The following OSER1 variants were observed in gnomAD, a reference collection of about 807,000 sequenced individuals.
The protein encoded by OSER1 is oxidative stress responsive serine rich 1, also known as oxidative stress-responsive serine-rich protein 1.
Under a neutral mutation model 26.3 loss-of-function variants are expected in OSER1, and 15 were observed. The ratio of observed to expected loss-of-function variants is 0.57; its 90% CI spans 0.38 to 0.88. OSER1 has a LOEUF of 0.88. Ranked by LOEUF, OSER1 falls within the 40% of genes least tolerant of loss-of-function variation. The pLI is 0.00. For missense variants in OSER1, 313 were observed against 353.9 expected, an observed-to-expected ratio of 0.88 and a Z score of 0.93; for synonymous variants, 127 against 128.2, an observed-to-expected ratio of 0.99 and a Z score of 0.07.
chr20:44,201,095 C>T (rs2072977439), intron 3 of OSER1, among the ~76,000 whole-genome samples: 1 of 152,186 alleles, frequency 6.6e-6, no homozygotes, highest in Non-Finnish European at 1.5e-5. Flanking sequence ...ACTGAAAATA[C>T]CCCTTCCACC....
intron 3 of OSER1, 89 bp from the exon 4 acceptor site, chr20:44,197,828 C>T: frequency 1.2e-6 from 1 of 810,298 alleles, no homozygotes; most frequent in East Asian, 2.7e-5. Flanking sequence ...TTTACCTTCC[C>T]TCAGCTTTAT....
intron 2 of OSER1, among the ~76,000 whole-genome samples, chr20:44,204,250 C>A (rs2073017234): frequency 6.6e-6 from 1 of 152,126 alleles, no homozygotes; most frequent in Non-Finnish European, 1.5e-5. Flanking sequence ...ACCTGTTGAA[C>A]AGGATCATGC....
chr20:44,205,480 C>T (rs1474400229), intron 2 of OSER1, among the ~76,000 whole-genome samples: 6 of 152,210 alleles, frequency 3.9e-5, no homozygotes, highest in African/African-American at 1.4e-4. Context: ...ATAACATCTA[C>T]TGTGCAAATC....
In OSER1 at chr20:44,196,616, A is replaced by G. The variant is rs2072921697; in HGVS notation, c.*436T>C. 1 of 163,788 alleles carries G rather than the reference A, an allele frequency of 6.1e-6. No homozygotes were observed. The highest frequency in any genetic ancestry group is 1.3e-5 in the Non-Finnish European group (1 of 74,178). The allele number at this position is 163,788 out of a possible 1,614,324, so 10.1% of individuals were successfully genotyped here. On this transcript the variant is annotated 3_prime_UTR_variant, in exon 4 of 4. Coordinates refer to ENST00000255174, the MANE Select transcript of OSER1 (RefSeq NM_016470.8). ...TTGCATTAAATCAGAGACGGTTTAAATCAGTCTTGTAACTTCTAATATTCT... is the reference window on the plus strand; with the variant it reads ...TTGCATTAAATCAGAGACGGTTTAAGTCAGTCTTGTAACTTCTAATATTCT...
chr20:44,201,128 A>G (rs990600463), intron 3 of OSER1, among the ~76,000 whole-genome samples: 3 of 152,218 alleles, frequency 2.0e-5, no homozygotes, highest in South Asian at 4.1e-4. Flanking sequence ...GCAAACCTTG[A>G]ATTTGCTGTG....
In OSER1 at chr20:44,197,557, G is replaced by A. The variant is rs372148209; in HGVS notation, c.374C>T (p.Ser125Phe). ...TTCTCCTGCACTGAACTCTTTAGGG[G>A]ATGAAATTCCCAGCCCACTGCTGCC... ...PDGSSGLGIS[S>F]PKEFSAGESS... Residue 125 changes from serine (S) to phenylalanine (F), a missense_variant, in exon 4 of 4, where the codon TCC (serine) becomes TTC (phenylalanine). Ser to Phe is a radical substitution (Grantham distance 155). Coordinates refer to ENST00000255174, the MANE Select transcript of OSER1 (RefSeq NM_016470.8). 1.9e-6 allele frequency: 3 copies of A among 1,614,038 alleles called. No individual in the cohort carries two copies. The highest frequency in any genetic ancestry group is 2.7e-5 in the African/African-American group (2 of 74,920).
Position 44,197,019 on chromosome 20 carries a change from T to C in OSER1, c.*33A>G, listed in dbSNP as rs201932052. The C allele has an allele frequency of 2.4e-4, 358 of 1,462,972 alleles. No individual in the cohort carries two copies. In the African/African-American group the frequency reaches 3.4e-3, roughly 14 times the overall value. The allele number at this position is 1,462,972 out of a possible 1,614,324, so 90.6% of individuals were successfully genotyped here. On this transcript the variant is annotated 3_prime_UTR_variant, in exon 4 of 4. Coordinates refer to ENST00000255174, the MANE Select transcript of OSER1 (RefSeq NM_016470.8). ...ACTAAATCTCTTTGACAAGCCTTCA[T>C]TGGTTTAAAGCATATGAATTAGCTT...
intron 1 of OSER1, chr20:44,207,263 A>T (rs2073047613): frequency 1.4e-5 from 3 of 218,390 alleles, no homozygotes; most frequent in Non-Finnish European, 2.7e-5. Context: ...ATGATCTAAA[A>T]TCTATGTTTC....
At chr20:44,209,140 T>C (rs1000369003) in intron 1 of OSER1, among the ~76,000 whole-genome samples, 1 of 152,220 alleles carries the variant, frequency 6.6e-6, no homozygotes, top group Non-Finnish European at 1.5e-5. Flanking sequence ...GCTGACTTAA[T>C]AGCATGGCAG....
At chr20:44,200,778 A>G (rs976689717) in intron 3 of OSER1, among the ~76,000 whole-genome samples, 1 of 152,244 alleles carries the variant, frequency 6.6e-6, no homozygotes, top group Non-Finnish European at 1.5e-5. Flanking sequence ...TAGCAAAACT[A>G]TAGAATAGCA....
intron 2 of OSER1, among the ~76,000 whole-genome samples, chr20:44,205,939 CAAAAAAAAAAAAAA>C (rs3037684): frequency 7.0e-5 from 5 of 71,716 alleles, no homozygotes; most frequent in Non-Finnish European, 1.3e-4. Flanking sequence ...GAATCCGTCT[CAAAAAAAAAAAAAA>C]AAAAAAAAAA....
At position 44,197,570 on chromosome 20, in the gene OSER1, G is replaced by T. The variant is rs750917568; in HGVS notation, c.361C>A (p.Leu121Met). The change falls in exon 4 of 4, where the codon CTG (leucine) becomes ATG (methionine). Residue 121 changes from leucine (L) to methionine (M), a missense_variant. Around this residue, in one of 2 missense-constraint regions of OSER1, gnomAD observed 300 missense variants for 318.3 expected, o/e 0.94. Transcript: ENST00000255174. ...AACTCTTTAGGGGATGAAATTCCCAGCCCACTGCTGCCATCAGGTGAGTCA... is the reference window on the plus strand; with the variant it reads ...AACTCTTTAGGGGATGAAATTCCCATCCCACTGCTGCCATCAGGTGAGTCA... ...QTDSPDGSSGLGISSPKEFSA... is the reference protein window; with the variant it reads ...QTDSPDGSSGMGISSPKEFSA... 3 of 1,614,144 alleles carry T rather than the reference G, an allele frequency of 1.9e-6. No homozygotes were observed. The South Asian group carries it at 3.3e-5, about 18-fold the overall frequency.
At chr20:44,208,226 G>C (rs1015434904) in intron 1 of OSER1, among the ~76,000 whole-genome samples, 1 of 146,468 alleles carries the variant, frequency 6.8e-6, no homozygotes. Context: ...CGAAGTTATT[G>C]TGAGACCTCT....
chr20:44,196,294 C>CA lies in OSER1; in HGVS notation c.*757dup, dbSNP rs56251501. ...ATGAGACCTGTATTACAACTGATAA[C>CA]AAAAAAAAAAAAAAAAAACCGCCAT... is the stretch of plus-strand genomic sequence containing the variant. On this transcript the variant is annotated 3_prime_UTR_variant, in exon 4 of 4. Transcript: ENST00000255174. Among the ~76,000 whole-genome samples, 24,918 of 100,300 alleles carry CA rather than the reference C, an allele frequency of 0.25. 2,486 individuals carry two copies. Among genetic ancestry groups the CA allele is most frequent in the Non-Finnish European group, 0.28 (14,075 of 51,120 alleles). The allele number at this position is 100,300 out of a possible 152,430, so 65.8% of individuals were successfully genotyped here.
In OSER1 at chr20:44,208,703, G is replaced by C. The variant is rs769514858; in HGVS notation, c.-41-1705C>G. 7.1e-4 allele frequency among the ~76,000 whole-genome samples: 108 copies of C among 152,252 alleles called. 1 individual carries two copies. The highest frequency in any genetic ancestry group is 6.2e-3 in the Admixed American group (95 of 15,292). On this transcript the variant is annotated intron_variant, in intron 1 of 3. Transcript: ENST00000255174. ...CATCATCTAAAAGAGTACTATTGCA[G>C]GTTGTAAACAAATCCTTCCTGCTGG...
intron 2 of OSER1, among the ~76,000 whole-genome samples, chr20:44,206,355 T>C (rs762074544): frequency 6.6e-6 from 1 of 152,166 alleles, no homozygotes; most frequent in Non-Finnish European, 1.5e-5. Context: ...AATACTAACA[T>C]TCAGAGAGCA....
chr20:44,204,985 G>A (rs1002441431), intron 2 of OSER1, among the ~76,000 whole-genome samples: 8 of 152,056 alleles, frequency 5.3e-5, no homozygotes, highest in African/African-American at 1.9e-4. Flanking sequence ...CTACAGGCAC[G>A]CACCACCATG....
intron 3 of OSER1, among the ~76,000 whole-genome samples, chr20:44,201,515 T>C (rs2072982122): frequency 6.6e-6 from 1 of 152,154 alleles, no homozygotes; most frequent in Non-Finnish European, 1.5e-5. Context: ...TGATTGTATA[T>C]GGGAGGTCTG....
intron 3 of OSER1, among the ~76,000 whole-genome samples, chr20:44,198,446 C>T (rs953628449): frequency 3.4e-4 from 52 of 152,056 alleles, no homozygotes; most frequent in African/African-American, 1.1e-3. Context: ...GGTGAAACCC[C>T]GTCTCTACTA....
Sources: allele counts gnomAD v4.1 joint callset (sites outside exome capture counted in the v4.1 genomes callset), GRCh38; gene constraint gnomAD v4.1.1; regional missense constraint gnomAD v4.1.1; transcripts MANE v1.5; gene names NCBI Gene and HGNC (gene_info 2026-07-23, HGNC 2026-07-21).